The following CNKSR2 variants were observed in gnomAD, a reference collection of about 807,000 sequenced individuals.
CNKSR2 encodes connector enhancer of kinase suppressor of Ras 2.
Under a neutral mutation model 84.4 loss-of-function variants are expected in CNKSR2, and 14 were observed. The ratio of observed to expected loss-of-function variants is 0.17; its 90% CI spans 0.11 to 0.26. CNKSR2 has a LOEUF of 0.26. Ranked by LOEUF, CNKSR2 falls within the 10% of genes least tolerant of loss-of-function variation. The probability of loss-of-function intolerance (pLI) is 1.00; values close to 1 mark genes in which losing one functional copy is unlikely to be tolerated. For missense variants in CNKSR2, 485 were observed against 771.2 expected (o/e 0.63, Z 4.40); for synonymous variants, 275 against 277.9 (o/e 0.99, Z 0.10).
chrX:21,571,508 A>G (rs1569249098), intron 13 of CNKSR2, among the ~76,000 whole-genome samples: 1 of 112,446 alleles, frequency 8.9e-6, no homozygotes, highest in South Asian at 3.7e-4. Flanking sequence ...ACTTAAATAC[A>G]GTATCTCTTG....
At chrX:21,430,403 G>C (rs2090619757) in intron 2 of CNKSR2, among the ~76,000 whole-genome samples, 1 of 111,346 alleles carries the variant, frequency 9.0e-6, no homozygotes. Context: ...TAAATCATTT[G>C]AGATGCTAGT....
intron 13 of CNKSR2, among the ~76,000 whole-genome samples, chrX:21,577,678 A>G (rs936632254): frequency 1.8e-5 from 2 of 110,379 alleles, no homozygotes; most frequent in Admixed American, 1.9e-4. Flanking sequence ...ACCATAACTC[A>G]TTTAATCAGA....
In CNKSR2 at chrX:21,515,015, T is replaced by C. The variant is rs1351101141; in HGVS notation, c.811-1470T>C. Among the ~76,000 whole-genome samples the C allele has an allele frequency of 2.7e-5, 3 of 110,104 alleles. No homozygotes were observed. The Admixed American group carries it at 2.9e-4, about 11-fold the overall frequency. On this transcript the variant is annotated intron_variant, in intron 8 of 21. Transcript: ENST00000379510. ...GGAGGCATTTGACCAGTTCCATTACTGTAGTTGATCCACATTAATGTGATT... is the reference window on the plus strand; with the variant it reads ...GGAGGCATTTGACCAGTTCCATTACCGTAGTTGATCCACATTAATGTGATT...
chrX:21,538,849 G>A (rs919667580), intron 11 of CNKSR2: 1 of 112,504 alleles, frequency 8.9e-6, no homozygotes, highest in Non-Finnish European at 1.9e-5. Flanking sequence ...GGAGAAAGAT[G>A]AAAGCCGAAA....
intron 8 of CNKSR2, among the ~76,000 whole-genome samples, chrX:21,509,440 G>A (rs779516453): frequency 9.0e-4 from 100 of 111,233 alleles, no homozygotes; most frequent in Non-Finnish European, 1.4e-3. Context: ...GACTTTCTTC[G>A]AATCATGTTT....
intron 20 of CNKSR2, among the ~76,000 whole-genome samples, chrX:21,635,298 C>T (rs2092665555): frequency 9.3e-6 from 1 of 107,945 alleles, no homozygotes; most frequent in African/African-American, 3.4e-5. Flanking sequence ...TATTGATTTT[C>T]CTCCTTCAAT....
At chrX:21,424,439 T>C (rs1337457564) in intron 1 of CNKSR2, 2 of 111,660 alleles carry the variant, frequency 1.8e-5, no homozygotes, top group Non-Finnish European at 3.8e-5. Flanking sequence ...CTCTGATCCA[T>C]TTTTGTTTTC....
Position 21,426,588 on chromosome X carries a change from A to G in CNKSR2, c.156A>G (p.Leu52=), listed in dbSNP as rs2090567670. 1.7e-6 allele frequency: 2 copies of G among 1,208,870 alleles called. No individual in the cohort carries two copies. The highest frequency in any genetic ancestry group is 1.7e-5 in the African/African-American group (1 of 57,610). ...TGCTGCGCATTACACATCAGGAGCT[A>G]GAAGATCTGGGGGTCAGCCGCATTG... The part of the protein sequence containing the change: ...DQLLRITHQE[L]EDLGVSRIGH... Residue 52 remains leucine (L), a synonymous_variant, in exon 2 of 22, where the codon CTA becomes CTG. Coordinates refer to ENST00000379510, the MANE Select transcript of CNKSR2 (RefSeq NM_014927.5).
At chrX:21,533,922 T>C (rs2091906169) in intron 11 of CNKSR2, among the ~76,000 whole-genome samples, 1 of 111,102 alleles carries the variant, frequency 9.0e-6, no homozygotes, top group Non-Finnish European at 1.9e-5. Flanking sequence ...ATTTATCACT[T>C]CTTTGTTCTG....
At chrX:21,423,315 T>C (rs2090522359) in intron 1 of CNKSR2, 1 of 111,295 alleles carries the variant, frequency 9.0e-6, no homozygotes, top group Non-Finnish European at 1.9e-5. Flanking sequence ...TTATAAGCTG[T>C]TGGATCCCAG....
intron 13 of CNKSR2, among the ~76,000 whole-genome samples, chrX:21,582,963 C>G (rs986403288): frequency 9.9e-5 from 11 of 111,555 alleles, no homozygotes; most frequent in Non-Finnish European, 1.3e-4. Context: ...AACATTAACT[C>G]TGCCCAACCT....
rs747073894 is a variant in CNKSR2, at chrX:21,512,447, G to A, written c.811-4038G>A. On this transcript the variant is annotated intron_variant, in intron 8 of 21. Transcript: ENST00000379510. ...AGAAAAAGCTGTGATCAACTATACCGACAAAGGACCTGTTTGAGGATTGGT... is the reference window on the plus strand; with the variant it reads ...AGAAAAAGCTGTGATCAACTATACCAACAAAGGACCTGTTTGAGGATTGGT... 5.4e-5 allele frequency among the ~76,000 whole-genome samples: 6 copies of A among 111,798 alleles called. No homozygotes were observed. In the South Asian group the frequency reaches 2.3e-3, roughly 42 times the overall value.
In CNKSR2 at chrX:21,532,060, A is replaced by G. The variant is rs2091890992; in HGVS notation, c.1296A>G (p.Pro432=). ...GTCAAGGAAGACGAGAAAGCACCCC[A>G]ACTTATGGTAAGAGTTCTTCTTTTA... ...SSSQGRREST[P]TYGKLRPISM... is the part of the protein sequence containing the mutation. The change falls in exon 11 of 22, where the codon CCA becomes CCG. Residue 432 remains proline (P), a synonymous_variant. Transcript: ENST00000379510. The G allele has an allele frequency of 1.7e-6, 2 of 1,171,505 alleles. No homozygotes were observed. The highest frequency in any genetic ancestry group is 2.3e-6 in the Non-Finnish European group (2 of 862,895).
chrX:21,624,417 C>T (rs938141679), intron 20 of CNKSR2, among the ~76,000 whole-genome samples: 6 of 111,913 alleles, frequency 5.4e-5, no homozygotes, highest in Non-Finnish European at 5.6e-5. Context: ...ATTTTGCCTA[C>T]AAAATCATAA....
At chrX:21,594,765 C>T in intron 15 of CNKSR2, 1 of 291,944 alleles carries the variant, frequency 3.4e-6, no homozygotes, top group Non-Finnish European at 6.2e-6. Flanking sequence ...AAGTTCTATA[C>T]TTTAATTTGT....
intron 20 of CNKSR2, among the ~76,000 whole-genome samples, chrX:21,633,235 C>T (rs2092656051): frequency 9.0e-6 from 1 of 111,446 alleles, no homozygotes; most frequent in South Asian, 3.8e-4. Context: ...CTCAAAGTGA[C>T]TTAGGATGGC....
At chrX:21,639,104 G>A (rs1274288562) in intron 20 of CNKSR2, among the ~76,000 whole-genome samples, 1 of 112,260 alleles carries the variant, frequency 8.9e-6, no homozygotes, top group Non-Finnish European at 1.9e-5. Context: ...AAATGAAGTT[G>A]TCCACTACAA....
At chrX:21,400,792 A>T (rs929145645) in intron 1 of CNKSR2, among the ~76,000 whole-genome samples, 1 of 111,732 alleles carries the variant, frequency 8.9e-6, no homozygotes, top group African/African-American at 3.2e-5. Flanking sequence ...ATGAAAAACC[A>T]AATCAAAATA....
chrX:21,469,295 G>A lies in CNKSR2; in HGVS notation c.520-1471G>A, dbSNP rs186512191. Reference sequence around the variant, plus strand: ...ACTTTTCCCAGATTATCTCTCCTTTGGCATATGAGTCCCTCAGAAAGACAA... The same window carrying A: ...ACTTTTCCCAGATTATCTCTCCTTTAGCATATGAGTCCCTCAGAAAGACAA... On this transcript the variant is annotated intron_variant, in intron 4 of 21. Transcript: ENST00000379510. 3.6e-5 allele frequency among the ~76,000 whole-genome samples: 4 copies of A among 111,742 alleles called. No homozygotes were observed. In the East Asian group the frequency reaches 1.1e-3, roughly 31 times the overall value.
Sources: allele counts gnomAD v4.1 joint callset (sites outside exome capture counted in the v4.1 genomes callset), GRCh38; gene constraint gnomAD v4.1.1; transcripts MANE v1.5; gene names NCBI Gene and HGNC (gene_info 2026-07-23, HGNC 2026-07-21).